NRXN3: variants seen among roughly 807,000 people sequenced by gnomAD.
The protein encoded by NRXN3 is neurexin 3.
Under a neutral mutation model 137.6 loss-of-function variants are expected in NRXN3, and 32 were observed. The ratio of observed to expected loss-of-function variants is 0.23; its 90% CI spans 0.18 to 0.31. The LOEUF (loss-of-function observed/expected upper bound fraction) is 0.31, where lower values mean the gene tolerates loss of function less well. NRXN3 is among the 10% of genes least tolerant of loss of function. The pLI, the probability that NRXN3 is intolerant of heterozygous loss-of-function variation, is 1.00. For missense variants in NRXN3, 1,574 were observed against 2,062.5 expected (o/e 0.76, Z 4.59); for synonymous variants, 798 against 784.5 (o/e 1.02, Z -0.29).
At position 78,907,667 on chromosome 14, in the gene NRXN3, G is replaced by A. The variant is rs528438204; in HGVS notation, c.2276-49575G>A. On this transcript the variant is annotated intron_variant, in intron 10 of 20. Coordinates refer to ENST00000335750, the MANE Select transcript of NRXN3 (RefSeq NM_001330195.2). ...TATTTTTTAACTTTTAAGTCCAGGG[G>A]CATAAGTGTAAGTTTGTTATGTAGG... is the stretch of plus-strand genomic sequence containing the variant. Among the ~76,000 whole-genome samples, 8 of 152,124 alleles carry A rather than the reference G, an allele frequency of 5.3e-5. No homozygotes were observed. In the East Asian group the frequency reaches 5.8e-4, roughly 11 times the overall value.
Position 78,474,035 on chromosome 14 carries a change from G to T in NRXN3, c.758-171085G>T, listed in dbSNP as rs965759036. On this transcript the variant is annotated intron_variant, in intron 4 of 20. Coordinates refer to ENST00000335750, the MANE Select transcript of NRXN3 (RefSeq NM_001330195.2). ...ATTATGGGAGGGGCCTACAACAAGG[G>T]CATGAATATCAGGAAGAAGACTCAC... Among the ~76,000 whole-genome samples, 4 of 152,138 alleles carry T rather than the reference G, an allele frequency of 2.6e-5. No homozygotes were observed. The East Asian group carries it at 7.7e-4, about 29-fold the overall frequency.
intron 4 of NRXN3, among the ~76,000 whole-genome samples, chr14:78,456,849 CTTTCTTTTTCTCTT>C (rs1474819320): frequency 7.6e-4 from 100 of 131,992 alleles, no homozygotes; most frequent in East Asian, 6.2e-3. Context: ...TTCTTTCTTT[CTTTCTTTTTCTCTT>C]TCTTTCTTTC....
chr14:78,246,107 C>T (rs1174288369), intron 2 of NRXN3, among the ~76,000 whole-genome samples: 1 of 152,130 alleles, frequency 6.6e-6, no homozygotes, highest in African/African-American at 2.4e-5. Flanking sequence ...TTCTAGGGAC[C>T]AGGGTGTTTG....
chr14:78,270,159 T>C (rs2072488919), intron 2 of NRXN3, among the ~76,000 whole-genome samples: 1 of 152,190 alleles, frequency 6.6e-6, no homozygotes, highest in South Asian at 2.1e-4. Context: ...TACCTGACTC[T>C]AGAACCTGCC....
At chr14:79,449,391 A>AG in intron 15 of NRXN3, among the ~76,000 whole-genome samples, 1 of 152,202 alleles carries the variant, frequency 6.6e-6, no homozygotes, top group South Asian at 2.1e-4. Context: ...CTAGCACTTC[A>AG]GTTTGCTTAT....
At chr14:78,630,444 C>A (rs925029712) in intron 4 of NRXN3, among the ~76,000 whole-genome samples, 7 of 152,066 alleles carry the variant, frequency 4.6e-5, no homozygotes, top group African/African-American at 1.7e-4. Flanking sequence ...ACAAGGGTTC[C>A]AGAGTGATGT....
chr14:78,349,854 T>C (rs1468635344), intron 4 of NRXN3, among the ~76,000 whole-genome samples: 1 of 152,258 alleles, frequency 6.6e-6, no homozygotes, highest in African/African-American at 2.4e-5. Context: ...CATATTTTAA[T>C]TTACTAATTG....
intron 18 of NRXN3, among the ~76,000 whole-genome samples, chr14:79,693,224 T>C (rs767242330): frequency 1.9e-4 from 29 of 152,008 alleles, no homozygotes; most frequent in Non-Finnish European, 4.0e-4. Flanking sequence ...TCTCAACACC[T>C]AAAGGGAGCT....
intron 10 of NRXN3, among the ~76,000 whole-genome samples, chr14:78,944,771 T>C (rs1264307205): frequency 6.6e-6 from 1 of 152,182 alleles, no homozygotes. Flanking sequence ...CATATTTTCG[T>C]TGAAAGCTAC....
intron 15 of NRXN3, among the ~76,000 whole-genome samples, chr14:79,449,262 A>G (rs1490855530): frequency 6.6e-6 from 1 of 152,160 alleles, no homozygotes; most frequent in East Asian, 1.9e-4. Context: ...AGTGCTTTTT[A>G]AAGGAATTCC....
At chr14:79,837,589 T>G (rs980124064) in intron 20 of NRXN3, among the ~76,000 whole-genome samples, 2 of 152,114 alleles carry the variant, frequency 1.3e-5, no homozygotes, top group African/African-American at 4.8e-5. Flanking sequence ...CCATCGTGGG[T>G]TTTTCCTTTG....
intron 9 of NRXN3, among the ~76,000 whole-genome samples, chr14:78,805,589 A>G (rs1206435705): frequency 6.7e-6 from 1 of 149,546 alleles, no homozygotes; most frequent in Non-Finnish European, 1.5e-5. Context: ...TCTCCTCAGA[A>G]AAAAACAACA....
At chr14:79,376,489 A>C (rs1599392822) in intron 15 of NRXN3, among the ~76,000 whole-genome samples, 1 of 152,006 alleles carries the variant, frequency 6.6e-6, no homozygotes, top group African/African-American at 2.4e-5. Flanking sequence ...TTCTCTAAGA[A>C]GCATGGAAGA....
At chr14:79,199,360 G>A (rs2065607814) in intron 15 of NRXN3, among the ~76,000 whole-genome samples, 1 of 151,980 alleles carries the variant, frequency 6.6e-6, no homozygotes, top group African/African-American at 2.4e-5. Context: ...AAATCTACTA[G>A]TCCTGTGAGA....
chr14:78,668,942 G>A (rs984756867), intron 6 of NRXN3, among the ~76,000 whole-genome samples: 16 of 149,520 alleles, frequency 1.1e-4, no homozygotes, highest in African/African-American at 2.3e-4. Context: ...CTGTCTGTCT[G>A]TCTGTCTGTC....
chr14:79,658,727 A>C, intron 16 of NRXN3, among the ~76,000 whole-genome samples: 1 of 152,168 alleles, frequency 6.6e-6, no homozygotes, highest in Non-Finnish European at 1.5e-5. Context: ...GGCCCACAAG[A>C]GGCATTATTT....
intron 2 of NRXN3, among the ~76,000 whole-genome samples, chr14:78,261,929 G>A (rs2070795238): frequency 6.6e-6 from 1 of 152,234 alleles, no homozygotes; most frequent in Non-Finnish European, 1.5e-5. Flanking sequence ...TATGGCGCCT[G>A]TCTGCAATGA....
chr14:78,683,836 A>T (rs765728559), intron 6 of NRXN3, among the ~76,000 whole-genome samples: 1 of 152,206 alleles, frequency 6.6e-6, no homozygotes, highest in Non-Finnish European at 1.5e-5. Flanking sequence ...GACTTACTTC[A>T]TAATTTATGA....
intron 15 of NRXN3, among the ~76,000 whole-genome samples, chr14:79,444,032 C>T (rs753794472): frequency 8.5e-5 from 13 of 152,080 alleles, no homozygotes; most frequent in Admixed American, 3.3e-4. Flanking sequence ...GGTTCAGAGC[C>T]GCCCCAGCTC....
Sources: gnomAD v4.1 joint callset for allele counts (sites outside exome capture counted in the v4.1 genomes callset) on GRCh38, gnomAD v4.1.1 for gene constraint, MANE v1.5 for transcripts, NCBI Gene and HGNC (gene_info 2026-07-23, HGNC 2026-07-21) for gene names.